The following MTUS2 variants were observed in gnomAD, a reference collection of about 807,000 sequenced individuals.
MTUS2 encodes the protein microtubule associated scaffold protein 2.
In MTUS2, 40 loss-of-function variants were observed where a neutral mutation model predicts 114.1. That is an observed-to-expected ratio of 0.35 (90% CI 0.27 to 0.46). The LOEUF (loss-of-function observed/expected upper bound fraction) is 0.46. MTUS2 is among the 20% of genes least tolerant of loss of function. The pLI, the probability that MTUS2 is intolerant of heterozygous loss-of-function variation, is 1.00. For missense variants in MTUS2, 1,679 were observed against 1,705.4 expected (o/e 0.98, Z 0.27); for synonymous variants, 688 against 672.0 (o/e 1.02, Z -0.37).
intron 8 of MTUS2, among the ~76,000 whole-genome samples, chr13:29,380,784 C>T (rs1294564930): frequency 0.011 from 655 of 62,286 alleles, 163 homozygotes; most frequent in African/African-American, 0.021. Context: ...GGCGCGGTGG[C>T]GGGCACCTGT....
intron 9 of MTUS2, among the ~76,000 whole-genome samples, chr13:29,470,800 C>G (rs897971873): frequency 6.6e-6 from 1 of 152,196 alleles, no homozygotes; most frequent in African/African-American, 2.4e-5. Context: ...TTGTCTTTCT[C>G]TCCGCAGTAT....
chr13:29,404,914 T>TG (rs1244483814), intron 8 of MTUS2, among the ~76,000 whole-genome samples: 1 of 152,230 alleles, frequency 6.6e-6, no homozygotes, highest in Non-Finnish European at 1.5e-5. Flanking sequence ...GTCATTATCC[T>TG]GGGATCCTCA....
At chr13:29,258,462 A>G (rs1236739532) in intron 5 of MTUS2, among the ~76,000 whole-genome samples, 1 of 152,232 alleles carries the variant, frequency 6.6e-6, no homozygotes, top group African/African-American at 2.4e-5. Flanking sequence ...GCCACAGAAC[A>G]TAACCTAATC....
intron 2 of MTUS2, among the ~76,000 whole-genome samples, chr13:28,891,632 C>T (rs555022704): frequency 7.2e-5 from 11 of 152,092 alleles, no homozygotes; most frequent in African/African-American, 2.7e-4. Flanking sequence ...GTAATCCCAG[C>T]ACTTTGGGAG....
chr13:29,500,663 G>T (rs182794465), intron 14 of MTUS2, among the ~76,000 whole-genome samples: 1 of 152,288 alleles, frequency 6.6e-6, no homozygotes. Context: ...CTGCTGCAGT[G>T]TGGTTGACCC....
At chr13:29,147,063 G>A (rs890682869) in intron 5 of MTUS2, among the ~76,000 whole-genome samples, 2 of 152,178 alleles carry the variant, frequency 1.3e-5, no homozygotes, top group Non-Finnish European at 2.9e-5. Flanking sequence ...CCCATTGTAT[G>A]TAAAAGAAGT....
At position 29,317,432 on chromosome 13, in the gene MTUS2, C is replaced by CTTTTTT. The variant is rs552766235; in HGVS notation, c.2807-7169_2807-7164dup. Among the ~76,000 whole-genome samples, 4 of 51,666 alleles carry CTTTTTT rather than the reference C, an allele frequency of 7.7e-5. 1 individual carries two copies. The highest frequency in any genetic ancestry group is 2.4e-4 in the Admixed American group (1 of 4,122). 33.9% of individuals were successfully genotyped at this position (51,666 alleles called of 152,430 possible). Reference sequence around the variant, plus strand: ...GCTTGTGCGCGCGCTCTCTCTCTCTCTTTTTTTTTTTTTTTTTGAGACGGA... The same window carrying CTTTTTT: ...GCTTGTGCGCGCGCTCTCTCTCTCTCTTTTTTTTTTTTTTTTTTTTTTTGAGACGGA... On this transcript the variant is annotated intron_variant, in intron 6 of 15. Transcript: ENST00000612955.
At chr13:29,081,466 A>G (rs1889437135) in intron 4 of MTUS2, among the ~76,000 whole-genome samples, 1 of 152,082 alleles carries the variant, frequency 6.6e-6, no homozygotes, top group South Asian at 2.1e-4. Context: ...CCAATAAGGA[A>G]GACAAACATT....
intron 5 of MTUS2, among the ~76,000 whole-genome samples, chr13:29,191,641 G>T (rs1240868637): frequency 6.6e-6 from 1 of 152,096 alleles, no homozygotes; most frequent in Admixed American, 6.6e-5. Context: ...GAATCCCCCT[G>T]GCCTCCTGCC....
chr13:29,100,505 G>T (rs1890364896), intron 4 of MTUS2, among the ~76,000 whole-genome samples: 1 of 152,064 alleles, frequency 6.6e-6, no homozygotes, highest in Non-Finnish European at 1.5e-5. Flanking sequence ...AGAGTTATTT[G>T]TCTTCCTCAA....
At chr13:29,253,436 T>C (rs1345277788) in intron 5 of MTUS2, among the ~76,000 whole-genome samples, 1 of 151,556 alleles carries the variant, frequency 6.6e-6, no homozygotes, top group Non-Finnish European at 1.5e-5. Flanking sequence ...AAAAAAAAAA[T>C]TAAAAATATA....
At chr13:29,427,139 G>A (rs1876601424) in intron 8 of MTUS2, among the ~76,000 whole-genome samples, 1 of 152,132 alleles carries the variant, frequency 6.6e-6, no homozygotes, top group Non-Finnish European at 1.5e-5. Flanking sequence ...GGCACACTTT[G>A]TTTTAAAACA....
intron 4 of MTUS2, among the ~76,000 whole-genome samples, chr13:29,077,944 C>T (rs561883647): frequency 5.3e-4 from 80 of 152,132 alleles, no homozygotes; most frequent in Non-Finnish European, 1.0e-3. Flanking sequence ...GCAAAACAAA[C>T]TTAATTCTTC....
In MTUS2 at chr13:29,483,347, C is replaced by T. The variant is rs115704990; in HGVS notation, c.3399+2983C>T. Among the ~76,000 whole-genome samples the T allele has an allele frequency of 2.1e-3, 322 of 152,338 alleles. 1 individual carries two copies. The highest frequency in any genetic ancestry group is 7.3e-3 in the African/African-American group (304 of 41,574). On this transcript the variant is annotated intron_variant, in intron 10 of 15. Transcript: ENST00000612955. ...ACCTCCGGCTTTGCAGCAGCACCTCCGTCGTGACAAAGCCAGCCAGAGCTG... is the reference window on the plus strand; with the variant it reads ...ACCTCCGGCTTTGCAGCAGCACCTCTGTCGTGACAAAGCCAGCCAGAGCTG...
At position 29,024,751 on chromosome 13, in the gene MTUS2, A is replaced by G. The variant is rs771619807; in HGVS notation, c.53A>G (p.Asn18Ser). ...TCATGTTACACTCAGTTGCGGGACAACAGAAATGCAGCAAGAAATAATAAT... is the reference window on the plus strand; with the variant it reads ...TCATGTTACACTCAGTTGCGGGACAGCAGAAATGCAGCAAGAAATAATAAT... ...KKSCYTQLRDNRNAARNNNES... is the reference protein window; with the variant it reads ...KKSCYTQLRDSRNAARNNNES... The change falls in exon 3 of 16, where the codon AAC (asparagine) becomes AGC (serine). Residue 18 changes from asparagine to serine, a missense_variant. Around this residue, in one of 3 missense-constraint regions of MTUS2, gnomAD observed 843 missense variants for 770.8 expected, o/e 1.09. Coordinates refer to ENST00000612955, the MANE Select transcript of MTUS2 (RefSeq NM_001033602.4). The G allele has an allele frequency of 1.1e-5, 18 of 1,613,912 alleles. No homozygotes were observed. The highest frequency in any genetic ancestry group is 2.7e-5 in the African/African-American group (2 of 74,930).
At chr13:29,310,312 A>C (rs936202648) in intron 6 of MTUS2, among the ~76,000 whole-genome samples, 2 of 152,212 alleles carry the variant, frequency 1.3e-5, no homozygotes, top group African/African-American at 4.8e-5. Context: ...TGGGCCCTTA[A>C]TCATATGCTG....
At chr13:28,888,503 A>G (rs1223897989) in intron 2 of MTUS2, among the ~76,000 whole-genome samples, 4 of 151,368 alleles carry the variant, frequency 2.6e-5, no homozygotes, top group Non-Finnish European at 4.4e-5. Context: ...CTCACCGCAA[A>G]CTTTGCCTCC....
Position 29,354,142 on chromosome 13 carries a change from G to T in MTUS2, c.2906-5120G>T, listed in dbSNP as rs539659660. Among the ~76,000 whole-genome samples the T allele has an allele frequency of 1.0e-3, 158 of 151,982 alleles. 2 individuals carry two copies. The highest frequency in any genetic ancestry group is 2.1e-3 in the East Asian group (11 of 5,158). On this transcript the variant is annotated intron_variant, in intron 7 of 15. Coordinates refer to ENST00000612955, the MANE Select transcript of MTUS2 (RefSeq NM_001033602.4). ...ACATGGGCAATGAGCTTAAGCAACT[G>T]TAGACTCACCTTGTTTGTTTTCTGA...
intron 7 of MTUS2, among the ~76,000 whole-genome samples, chr13:29,354,240 A>ATTTTTTTTT (rs5802516): frequency 5.8e-5 from 7 of 120,380 alleles, no homozygotes; most frequent in African/African-American, 1.9e-4. Context: ...TATTTTGGGC[A>ATTTTTTTTT]TTTTTTTTTT....
Sources: gnomAD v4.1 joint callset for allele counts (sites outside exome capture counted in the v4.1 genomes callset) on GRCh38, gnomAD v4.1.1 for gene constraint, gnomAD v4.1.1 regional missense constraint, MANE v1.5 for transcripts, NCBI Gene and HGNC (gene_info 2026-07-23, HGNC 2026-07-21) for gene names.